The following LIMCH1 variants were observed in gnomAD, a reference collection of about 807,000 sequenced individuals.
LIMCH1 encodes the protein LIM and calponin homology domains-containing protein 1.
In LIMCH1, 113 loss-of-function variants were observed where a neutral mutation model predicts 176.5. The observed-to-expected ratio is 0.64, with a 90% confidence interval of 0.55 to 0.75. The LOEUF is 0.75. Ranked by LOEUF, LIMCH1 falls within the 30% of genes least tolerant of loss-of-function variation. The pLI is 0.00. For synonymous variants in LIMCH1, 619 were observed against 645.9 expected (o/e 0.96, Z 0.63); for missense variants, 1,674 against 1,814.9 (o/e 0.92, Z 1.41).
chr4:41,420,218 C>A (rs914157027), intron 1 of LIMCH1, among the ~76,000 whole-genome samples: 1 of 152,046 alleles, frequency 6.6e-6, no homozygotes, highest in African/African-American at 2.4e-5. Flanking sequence ...GATGGTAATA[C>A]CTACCTCACA....
At chr4:41,479,540 C>T (rs923119554) in intron 1 of LIMCH1, among the ~76,000 whole-genome samples, 7 of 152,206 alleles carry the variant, frequency 4.6e-5, no homozygotes, top group African/African-American at 1.7e-4. Context: ...GCGTGAGCCA[C>T]CGCGCCCAGC....
chr4:41,452,494 G>GTTTCAT, intron 1 of LIMCH1, among the ~76,000 whole-genome samples: 1 of 152,264 alleles, frequency 6.6e-6, no homozygotes, highest in South Asian at 2.1e-4. Context: ...TTCAGTTTCA[G>GTTTCAT]TTCCCTGCAT....
chr4:41,422,140 T>C (rs1281831219), intron 1 of LIMCH1, among the ~76,000 whole-genome samples: 1 of 152,162 alleles, frequency 6.6e-6, no homozygotes, highest in African/African-American at 2.4e-5. Flanking sequence ...TTAGAGACTT[T>C]TCTCAATGGT....
chr4:41,496,755 G>GA (rs1174188239), intron 2 of LIMCH1, among the ~76,000 whole-genome samples: 1 of 152,192 alleles, frequency 6.6e-6, no homozygotes, highest in Non-Finnish European at 1.5e-5. Context: ...TTGCTCTGTT[G>GA]AAAATGTGGG....
chr4:41,624,308 T>C (rs1417348703), intron 7 of LIMCH1, among the ~76,000 whole-genome samples: 1 of 151,876 alleles, frequency 6.6e-6, no homozygotes, highest in Non-Finnish European at 1.5e-5. Context: ...GCAGGGGGTG[T>C]GGGGGCGTAA....
chr4:41,434,023 C>G (rs2061836372), intron 1 of LIMCH1, among the ~76,000 whole-genome samples: 1 of 152,112 alleles, frequency 6.6e-6, no homozygotes, highest in Non-Finnish European at 1.5e-5. Flanking sequence ...TAACTTCATG[C>G]CAGCTTAAAA....
In LIMCH1 at chr4:41,699,846, C is replaced by G. The variant is rs1055056112; in HGVS notation, c.*2661C>G. 2 of 152,188 alleles carry G rather than the reference C, an allele frequency of 1.3e-5. No homozygotes were observed. The highest frequency in any genetic ancestry group is 1.3e-4 in the Admixed American group (2 of 15,290). The allele number at this position is 152,188 out of a possible 1,614,324, so 9.4% of individuals were successfully genotyped here. On this transcript the variant is annotated 3_prime_UTR_variant, in exon 32 of 32. Transcript: ENST00000503057. The stretch of plus-strand genomic sequence containing the variant: ...GTAAGATTTAACAAACTGAAATGAT[C>G]CACCTCATATGTGAGTCCGTCCAAA...
Position 41,629,739 on chromosome 4 carries a change from G to A in LIMCH1, c.1271+5G>A, listed in dbSNP as rs904333650. On this transcript the variant is annotated splice_donor_5th_base_variant and intron_variant, in intron 9 of 31. Transcript: ENST00000503057. Reference sequence around the variant, plus strand: ...CAAAGTGTCAGAAAAGGCGAGGTGTGTCATGTTTCCCCCCCAGTTTCCCCC... The same window carrying A: ...CAAAGTGTCAGAAAAGGCGAGGTGTATCATGTTTCCCCCCCAGTTTCCCCC... The A allele has an allele frequency of 3.3e-6, 5 of 1,529,942 alleles. No homozygotes were observed. The highest frequency in any genetic ancestry group is 4.4e-6 in the Non-Finnish European group (5 of 1,142,314). The allele number at this position is 1,529,942 out of a possible 1,614,324, so 94.8% of individuals were successfully genotyped here.
At chr4:41,638,299 C>G (rs554998298) in intron 13 of LIMCH1, among the ~76,000 whole-genome samples, 53 of 152,064 alleles carry the variant, frequency 3.5e-4, no homozygotes, top group African/African-American at 1.3e-3. Context: ...TTTAGTTTTT[C>G]AAGTTATGGA....
At chr4:41,586,340 G>A (rs1222570244) in intron 1 of LIMCH1, among the ~76,000 whole-genome samples, 1 of 151,824 alleles carries the variant, frequency 6.6e-6, no homozygotes, top group East Asian at 1.9e-4. Flanking sequence ...AAACCCCTGG[G>A]CTCAAGTGAT....
At chr4:41,643,977 A>AT (rs1301765879) in intron 14 of LIMCH1, among the ~76,000 whole-genome samples, 9 of 152,256 alleles carry the variant, frequency 5.9e-5, no homozygotes, top group Admixed American at 3.3e-4. Context: ...GCCAAATGAT[A>AT]TTTTTTTGGA....
intron 1 of LIMCH1, among the ~76,000 whole-genome samples, chr4:41,539,737 C>A (rs959899226): frequency 6.6e-6 from 1 of 152,088 alleles, no homozygotes; most frequent in Non-Finnish European, 1.5e-5. Context: ...GGCAATTGTT[C>A]TCTATAATAA....
chr4:41,437,036 G>A (rs1000525589), intron 1 of LIMCH1, among the ~76,000 whole-genome samples: 1 of 152,078 alleles, frequency 6.6e-6, no homozygotes, highest in Non-Finnish European at 1.5e-5. Context: ...CTTTTAAGAA[G>A]GCTTTCCAGA....
intron 1 of LIMCH1, among the ~76,000 whole-genome samples, chr4:41,472,360 C>T: frequency 6.6e-6 from 1 of 150,536 alleles, no homozygotes; most frequent in East Asian, 2.0e-4. Context: ...CTGCCCCTCC[C>T]TTCCTCCCTC....
rs1195600997 is a variant in LIMCH1 at position 41,632,645 on chromosome 4, C to A, written c.1602-104C>A. The stretch of plus-strand genomic sequence containing the variant: ...AACCAGCCTTTGGAATGAGAGCAGC[C>A]ACATTCTTCTCTTAATCTTTCAGTC... On this transcript the variant is annotated intron_variant, in intron 10 of 31. Transcript: ENST00000503057. 3.4e-6 allele frequency: 3 copies of A among 875,714 alleles called. No individual in the cohort carries two copies. The African/African-American group carries it at 5.0e-5, about 15-fold the overall frequency. 54.2% of individuals were successfully genotyped at this position (875,714 alleles called of 1,614,324 possible). A position where few individuals can be genotyped will look rare whatever the true frequency, so the allele number is the denominator to read the frequency against.
At chr4:41,687,236 A>G (rs1721545740) in intron 28 of LIMCH1, among the ~76,000 whole-genome samples, 1 of 152,220 alleles carries the variant, frequency 6.6e-6, no homozygotes. Flanking sequence ...GGGCTCACGT[A>G]CAACCGTTCT....
intron 1 of LIMCH1, among the ~76,000 whole-genome samples, chr4:41,440,286 A>G (rs1467561942): frequency 6.6e-6 from 1 of 152,192 alleles, no homozygotes. Flanking sequence ...ACTAGTATCT[A>G]ACTAAAACAA....
upstream of LIMCH1, among the ~76,000 whole-genome samples, chr4:41,536,033 AC>A (rs1362701569): frequency 1.3e-5 from 2 of 152,224 alleles, no homozygotes; most frequent in Admixed American, 6.5e-5. Context: ...TTAGGAATAG[AC>A]CTTCAATTAC....
upstream of LIMCH1, among the ~76,000 whole-genome samples, chr4:41,533,838 G>A (rs2077583017): frequency 6.6e-6 from 1 of 152,196 alleles, no homozygotes; most frequent in African/African-American, 2.4e-5. Flanking sequence ...TAGCTTCAGG[G>A]CATGGAATGA....
Sources: gnomAD v4.1 joint callset for allele counts (sites outside exome capture counted in the v4.1 genomes callset) on GRCh38, gnomAD v4.1.1 for gene constraint, MANE v1.5 for transcripts, NCBI Gene and HGNC (gene_info 2026-07-23, HGNC 2026-07-21) for gene names.